Variants in KCNJ6 observed in about 807,000 individuals in gnomAD.
KCNJ6 encodes the protein potassium inwardly rectifying channel subfamily J member 6.
A neutral mutation model predicts 34.2 loss-of-function variants in KCNJ6; 9 were observed. That is an observed-to-expected ratio of 0.26 (90% CI 0.16 to 0.46). The LOEUF is 0.46. KCNJ6 is among the 20% of genes least tolerant of loss of function. KCNJ6 has a pLI of 1.00. For synonymous variants in KCNJ6, 196 were observed against 207.1 expected (o/e 0.95, Z 0.46); for missense variants, 236 against 531.3 (o/e 0.44, Z 5.46).
chr21:37,875,007 T>C (rs1336849489), intron 1 of KCNJ6, among the ~76,000 whole-genome samples: 1 of 152,138 alleles, frequency 6.6e-6, no homozygotes, highest in East Asian at 1.9e-4. Flanking sequence ...TCCAAACCTC[T>C]TTCTCTCAAC....
chr21:37,716,637 C>T (rs2054792905), intron 2 of KCNJ6, among the ~76,000 whole-genome samples: 1 of 152,084 alleles, frequency 6.6e-6, no homozygotes, highest in Non-Finnish European at 1.5e-5. Flanking sequence ...CACACCTTGG[C>T]CTCCCAAAAT....
At chr21:37,823,695 G>A (rs1416676322) in intron 2 of KCNJ6, among the ~76,000 whole-genome samples, 1 of 152,190 alleles carries the variant, frequency 6.6e-6, no homozygotes, top group Non-Finnish European at 1.5e-5. Flanking sequence ...CCAGCCATGT[G>A]GAACTGTGAG....
intron 1 of KCNJ6, among the ~76,000 whole-genome samples, chr21:37,846,072 G>A (rs2055505688): frequency 6.6e-6 from 1 of 152,118 alleles, no homozygotes; most frequent in South Asian, 2.1e-4. Context: ...AAACTCCTCG[G>A]GTAGAGCATT....
chr21:37,716,906 C>A (rs563827653), intron 2 of KCNJ6, among the ~76,000 whole-genome samples: 24 of 151,690 alleles, frequency 1.6e-4, no homozygotes, highest in African/African-American at 5.3e-4. Flanking sequence ...AATTCTGTGT[C>A]GTTTGACTCT....
intron 2 of KCNJ6, among the ~76,000 whole-genome samples, chr21:37,733,164 C>A (rs558520198): frequency 2.0e-5 from 3 of 152,184 alleles, no homozygotes; most frequent in South Asian, 2.1e-4. Flanking sequence ...AAGGCTGCAC[C>A]CTCTGGATGT....
intron 2 of KCNJ6, among the ~76,000 whole-genome samples, chr21:37,808,318 C>G (rs1324996848): frequency 6.6e-6 from 1 of 152,118 alleles, no homozygotes; most frequent in Non-Finnish European, 1.5e-5. Flanking sequence ...GTTAGCTTTG[C>G]CATATTATTC....
At chr21:37,724,622 C>T (rs542910212) in intron 2 of KCNJ6, among the ~76,000 whole-genome samples, 27 of 152,186 alleles carry the variant, frequency 1.8e-4, no homozygotes, top group African/African-American at 6.3e-4. Flanking sequence ...GTGGTCGAGA[C>T]AGGAAGAATG....
intron 2 of KCNJ6, among the ~76,000 whole-genome samples, chr21:37,785,782 A>G (rs1029413030): frequency 8.5e-5 from 13 of 152,232 alleles, no homozygotes; most frequent in Non-Finnish European, 1.3e-4. Flanking sequence ...GTCATCCACA[A>G]GGTGATGGTA....
intron 3 of KCNJ6, among the ~76,000 whole-genome samples, chr21:37,650,424 C>T (rs147163057): frequency 3.3e-5 from 5 of 152,294 alleles, no homozygotes; most frequent in South Asian, 2.1e-4. Flanking sequence ...TTGTCAGGTG[C>T]ACATATGGTA....
chr21:37,747,116 T>C (rs2123480309), intron 2 of KCNJ6, among the ~76,000 whole-genome samples: 1 of 152,034 alleles, frequency 6.6e-6, no homozygotes, highest in South Asian at 2.1e-4. Context: ...GGAAGGGGAA[T>C]GGAGGCAGAG....
At chr21:37,853,846 G>GTATGTATATATATATA (rs1555850323) in intron 1 of KCNJ6, among the ~76,000 whole-genome samples, 2 of 115,992 alleles carry the variant, frequency 1.7e-5, no homozygotes, top group African/African-American at 8.0e-5. Context: ...ATATATATAT[G>GTATGTATATATATATA]TATATATATA....
chr21:37,872,012 TCA>T (rs1191151978), intron 1 of KCNJ6, among the ~76,000 whole-genome samples: 2 of 152,208 alleles, frequency 1.3e-5, no homozygotes, highest in African/African-American at 4.8e-5. Context: ...AAAATACAGT[TCA>T]GTTTTTTTTT....
At chr21:37,658,132 A>G (rs925349670) in intron 3 of KCNJ6, among the ~76,000 whole-genome samples, 4 of 145,160 alleles carry the variant, frequency 2.8e-5, no homozygotes, top group African/African-American at 1.1e-4. Flanking sequence ...ACACTGCAGT[A>G]AGGGCTCAAT....
chr21:37,608,519 C>T lies in KCNJ6; in HGVS notation c.*16640G>A, dbSNP rs1175289563. The T allele has an allele frequency of 1.3e-5, 2 of 152,252 alleles. No homozygotes were observed. The highest frequency in any genetic ancestry group is 4.8e-5 in the African/African-American group (2 of 41,476). 9.4% of individuals were successfully genotyped at this position (152,252 alleles called of 1,614,324 possible). Reference sequence around the variant, plus strand: ...TTGAGAAATGTCAGGGCAAATGTCCCTTTCTTCCTCATGAGGCCATTTCTT... The same window carrying T: ...TTGAGAAATGTCAGGGCAAATGTCCTTTTCTTCCTCATGAGGCCATTTCTT... On this transcript the variant is annotated 3_prime_UTR_variant, in exon 4 of 4. Transcript: ENST00000609713.
chr21:37,893,637 T>G (rs1365049645), intron 1 of KCNJ6, among the ~76,000 whole-genome samples: 2 of 152,146 alleles, frequency 1.3e-5, no homozygotes, highest in Non-Finnish European at 2.9e-5. Context: ...GAAGCCTTTT[T>G]TTTTTTTTTT....
At chr21:37,755,304 G>C (rs1344720741) in intron 2 of KCNJ6, among the ~76,000 whole-genome samples, 2 of 151,816 alleles carry the variant, frequency 1.3e-5, no homozygotes, top group East Asian at 1.9e-4. Flanking sequence ...GAAAAAAAAA[G>C]AAAAAAACAA....
intron 3 of KCNJ6, among the ~76,000 whole-genome samples, chr21:37,666,679 C>T (rs971914796): frequency 6.6e-6 from 1 of 151,592 alleles, no homozygotes; most frequent in Admixed American, 6.6e-5. Flanking sequence ...CGAGAACGGG[C>T]CATGATGACG....
At chr21:37,697,211 G>C (rs193101609) in intron 3 of KCNJ6, among the ~76,000 whole-genome samples, 75 of 152,314 alleles carry the variant, frequency 4.9e-4, no homozygotes, top group Non-Finnish European at 9.0e-4. Flanking sequence ...GGGGGAAGTA[G>C]GAAACAGAAC....
chr21:37,726,253 A>G (rs527475482), intron 2 of KCNJ6, among the ~76,000 whole-genome samples: 240 of 152,228 alleles, frequency 1.6e-3, no homozygotes, highest in African/African-American at 5.4e-3. Flanking sequence ...ACTCATGGTC[A>G]TCCTTCCTTG....
Sources: gnomAD v4.1 joint callset for allele counts (sites outside exome capture counted in the v4.1 genomes callset) on GRCh38, gnomAD v4.1.1 for gene constraint, MANE v1.5 for transcripts, NCBI Gene and HGNC (gene_info 2026-07-23, HGNC 2026-07-21) for gene names.